FBXO22: variants seen among roughly 807,000 people sequenced by gnomAD.
FBXO22 encodes F-box only protein 22.
FBXO22 carries 13 observed loss-of-function variants against 37.2 expected under a neutral mutation model. The ratio of observed to expected loss-of-function variants is 0.35; its 90% CI spans 0.23 to 0.56. The LOEUF (loss-of-function observed/expected upper bound fraction) is 0.56, where lower values mean the gene tolerates loss of function less well. FBXO22 is among the 20% of genes least tolerant of loss of function. The probability of loss-of-function intolerance (pLI) is 0.87; values close to 1 mark genes in which losing one functional copy is unlikely to be tolerated. For synonymous variants in FBXO22, 189 were observed against 189.1 expected (o/e 1.00, Z 0.00); for missense variants, 446 against 509.9 (o/e 0.87, Z 1.21).
At chr15:75,913,797 C>T (rs565124584) in intron 3 of FBXO22, among the ~76,000 whole-genome samples, 1 of 152,278 alleles carries the variant, frequency 6.6e-6, no homozygotes, top group Admixed American at 6.5e-5. Context: ...ACTGCAATAT[C>T]AGCTGAACAG....
rs375254940 is a variant in FBXO22 at position 75,939,012 on chromosome 15, G to A, written c.*5910G>A. 6.6e-6 allele frequency: 1 copy of A among 152,050 alleles called. No homozygotes were observed. The highest frequency in any genetic ancestry group is 1.5e-5 in the Non-Finnish European group (1 of 67,976). 9.4% of individuals were successfully genotyped at this position (152,050 alleles called of 1,614,324 possible). On this transcript the variant is annotated 3_prime_UTR_variant, in exon 7 of 7. Transcript: ENST00000308275. ...AATGCTTACATTAAAAAACAAAAAA[G>A]ACCTCATGTCAACAACCTGACTTTG...
intron 5 of FBXO22, among the ~76,000 whole-genome samples, chr15:75,923,066 A>G (rs1900363062): frequency 6.6e-6 from 1 of 152,136 alleles, no homozygotes; most frequent in African/African-American, 2.4e-5. Context: ...CAGAGAGGTG[A>G]CATAGCTGTT....
In FBXO22 at chr15:75,934,649, A is replaced by C. The variant is rs540658111; in HGVS notation, c.*1547A>C. ...ATTCTAAATCCTAGTTCCTGAGGCAAGTCCAAAGAAAAATTTGTCAAAACT... is the reference window on the plus strand; with the variant it reads ...ATTCTAAATCCTAGTTCCTGAGGCACGTCCAAAGAAAAATTTGTCAAAACT... On this transcript the variant is annotated 3_prime_UTR_variant, in exon 7 of 7. Coordinates refer to ENST00000308275, the MANE Select transcript of FBXO22 (RefSeq NM_147188.3). The C allele has an allele frequency of 8.5e-5, 13 of 152,152 alleles. No individual in the cohort carries two copies. Among genetic ancestry groups the C allele is most frequent in the Non-Finnish European group, 1.6e-4 (11 of 68,016 alleles). The allele number at this position is 152,152 out of a possible 1,614,324, so 9.4% of individuals were successfully genotyped here. A position where few individuals can be genotyped will look rare whatever the true frequency, so the allele number is the denominator to read the frequency against.
intron 2 of FBXO22, among the ~76,000 whole-genome samples, chr15:75,910,629 A>C (rs1567051779): frequency 6.6e-6 from 1 of 152,016 alleles, no homozygotes; most frequent in African/African-American, 2.4e-5. Flanking sequence ...TTTTCTTCAA[A>C]TTTATTTAAG....
rs58256641 is a variant in FBXO22 at position 75,937,508 on chromosome 15, C to CAAAAAAAA, written c.*4423_*4430dup. ...TGGGCAATGGAGCAAGACTCTGTCT[C>CAAAAAAAA]AAAAAAAAAAAAAAAAAAAAAAAAG... On this transcript the variant is annotated 3_prime_UTR_variant, in exon 7 of 7. Transcript: ENST00000308275. 3 of 83,248 alleles carry CAAAAAAAA rather than the reference C, an allele frequency of 3.6e-5. No homozygotes were observed. The highest frequency in any genetic ancestry group is 4.2e-5 in the African/African-American group (1 of 23,724). 5.2% of individuals were successfully genotyped at this position (83,248 alleles called of 1,614,324 possible). A position where few individuals can be genotyped will look rare whatever the true frequency, so the allele number is the denominator to read the frequency against.
chr15:75,932,661 T>G lies in FBXO22; in HGVS notation c.795-24T>G. The G allele has an allele frequency of 1.9e-6, 3 of 1,550,666 alleles. No individual in the cohort carries two copies. The East Asian group carries it at 6.8e-5, about 35-fold the overall frequency. On this transcript the variant is annotated intron_variant, in intron 6 of 6. Coordinates refer to ENST00000308275, the MANE Select transcript of FBXO22 (RefSeq NM_147188.3). Reference sequence around the variant, plus strand: ...AAAAATTTTAATGTTTCATGAGATATTGCCACTTTTCTAAATTTTCCAGGA... The same window carrying G: ...AAAAATTTTAATGTTTCATGAGATAGTGCCACTTTTCTAAATTTTCCAGGA...
chr15:75,904,705 T>A, intron 2 of FBXO22, 76 bp downstream of exon 2: 2 of 1,432,326 alleles, frequency 1.4e-6, no homozygotes, highest in Non-Finnish European at 1.8e-6. Flanking sequence ...TTTTTTTAAA[T>A]CCCAGTTTTG....
At chr15:75,910,100 C>T (rs1262704692) in intron 2 of FBXO22, among the ~76,000 whole-genome samples, 3 of 152,296 alleles carry the variant, frequency 2.0e-5, no homozygotes, top group South Asian at 4.1e-4. Context: ...ATGAGTGCAT[C>T]CTTTTTCTAT....
At chr15:75,931,971 TGGG>T (rs1427168232) in intron 6 of FBXO22, among the ~76,000 whole-genome samples, 1 of 152,214 alleles carries the variant, frequency 6.6e-6, no homozygotes, top group Non-Finnish European at 1.5e-5. Context: ...CCCAGAACTT[TGGG>T]AGGCTGAGGC....
chr15:75,904,650 T>A, intron 2 of FBXO22, 21 bp downstream of exon 2: 1 of 1,572,276 alleles, frequency 6.4e-7, no homozygotes, highest in Non-Finnish European at 8.6e-7. Context: ...AGGGGTGTCA[T>A]GCACAGTCAT....
In FBXO22 at chr15:75,938,040, C is replaced by T. The variant is rs1184731916; in HGVS notation, c.*4938C>T. ...ACACTTGCCCGGAAAGTTCTAAGAC[C>T]CAAGCTTTCACCTTGGTCTGGTCCC... is the stretch of plus-strand genomic sequence containing the variant. On this transcript the variant is annotated 3_prime_UTR_variant, in exon 7 of 7. Transcript: ENST00000308275. 6.6e-6 allele frequency: 1 copy of T among 152,160 alleles called. No individual in the cohort carries two copies. Among genetic ancestry groups the T allele is most frequent in the African/African-American group, 2.4e-5 (1 of 41,416 alleles). 9.4% of individuals were successfully genotyped at this position (152,160 alleles called of 1,614,324 possible). A position where few individuals can be genotyped will look rare whatever the true frequency, so the allele number is the denominator to read the frequency against.
rs1374460954 is a variant in FBXO22, at chr15:75,941,988, T to C, written c.*8886T>C. On this transcript the variant is annotated 3_prime_UTR_variant, in exon 7 of 7. Transcript: ENST00000308275. ...ATGGCCTAGCTTTTTTTTTTTTTTT[T>C]AAAAAGGGCAGGGGGTGGGGTATTT... The C allele has an allele frequency of 2.0e-5, 3 of 146,612 alleles. No individual in the cohort carries two copies. Among genetic ancestry groups the C allele is most frequent in the Non-Finnish European group, 3.0e-5 (2 of 66,644 alleles). 9.1% of individuals were successfully genotyped at this position (146,612 alleles called of 1,614,324 possible). A position where few individuals can be genotyped will look rare whatever the true frequency, so the allele number is the denominator to read the frequency against.
At chr15:75,910,850 C>G (rs1394246183) in intron 2 of FBXO22, among the ~76,000 whole-genome samples, 1 of 152,172 alleles carries the variant, frequency 6.6e-6, no homozygotes, top group Non-Finnish European at 1.5e-5. Flanking sequence ...TGCCTATGTC[C>G]TGAATGGTAT....
At chr15:75,904,425 T>C in intron 1 of FBXO22, 66 bp from the exon 2 acceptor site, 1 of 1,606,380 alleles carries the variant, frequency 6.2e-7, no homozygotes, top group Non-Finnish European at 8.5e-7. Flanking sequence ...GGGTGGGGGT[T>C]TGTGAGCTGT....
chr15:75,904,431 G>C, intron 1 of FBXO22, 60 bp from the exon 2 acceptor site: 1 of 1,610,400 alleles, frequency 6.2e-7, no homozygotes, highest in Non-Finnish European at 8.5e-7. Flanking sequence ...GGGTTTGTGA[G>C]CTGTGGGAGA....
At chr15:75,914,250 T>A in intron 4 of FBXO22, 45 bp downstream of exon 4, 1 of 1,333,722 alleles carries the variant, frequency 7.5e-7, no homozygotes, top group Non-Finnish European at 1.1e-6. Flanking sequence ...TGCATTAATG[T>A]GGGGTCCTTT....
chr15:75,930,669 A>G, intron 6 of FBXO22: 2 of 985,464 alleles, frequency 2.0e-6, no homozygotes, highest in Non-Finnish European at 2.4e-6. Context: ...CTTGGGAGCC[A>G]TTACTTCCTT....
intron 5 of FBXO22, among the ~76,000 whole-genome samples, chr15:75,919,654 G>A (rs910877207): frequency 6.6e-6 from 1 of 152,236 alleles, no homozygotes; most frequent in East Asian, 1.9e-4. Context: ...AGCAACAGTA[G>A]ATTGTAGCTA....
At chr15:75,932,275 G>C (rs1468239814) in intron 6 of FBXO22, among the ~76,000 whole-genome samples, 1 of 151,980 alleles carries the variant, frequency 6.6e-6, no homozygotes, top group Non-Finnish European at 1.5e-5. Context: ...TTTGACAGCT[G>C]AAGTCGGGGG....
Sources: gnomAD v4.1 joint callset for allele counts (sites outside exome capture counted in the v4.1 genomes callset) on GRCh38, gnomAD v4.1.1 for gene constraint, MANE v1.5 for transcripts, NCBI Gene and HGNC (gene_info 2026-07-23, HGNC 2026-07-21) for gene names.